The following ABHD17B variants were observed in gnomAD, a reference collection of about 807,000 sequenced individuals.
ABHD17B encodes the protein alpha/beta hydrolase domain-containing protein 17B.
In ABHD17B, 9 loss-of-function variants were observed where a neutral mutation model predicts 26.2. That is an observed-to-expected ratio of 0.34 (90% CI 0.21 to 0.60). ABHD17B has a LOEUF of 0.60. ABHD17B is among the 20% of genes least tolerant of loss of function. ABHD17B has a pLI of 0.80. For missense variants in ABHD17B, 224 were observed against 352.1 expected (o/e 0.64, Z 2.91); for synonymous variants, 127 against 122.3 (o/e 1.04, Z -0.25).
chr9:71,880,097 C>T lies in ABHD17B; in HGVS notation c.-3-5014G>A, dbSNP rs75362280. Reference sequence around the variant, plus strand: ...GTCAATAAATAACCTAGACAAAACTCACGCACTTCTTGAGTAATATAAAAG... The same window carrying T: ...GTCAATAAATAACCTAGACAAAACTTACGCACTTCTTGAGTAATATAAAAG... On this transcript the variant is annotated intron_variant, in intron 1 of 3. Transcript: ENST00000333421. 2.0e-5 allele frequency among the ~76,000 whole-genome samples: 3 copies of T among 152,246 alleles called. No homozygotes were observed. The East Asian group carries it at 5.8e-4, about 29-fold the overall frequency.
chr9:71,910,412 G>T (rs1230963776), intron 1 of ABHD17B, among the ~76,000 whole-genome samples: 1 of 151,746 alleles, frequency 6.6e-6, no homozygotes, highest in Non-Finnish European at 1.5e-5. Context: ...TCCCCTTCAC[G>T]CAACCATCAG....
intron 1 of ABHD17B, among the ~76,000 whole-genome samples, chr9:71,897,590 C>T (rs568419219): frequency 2.6e-5 from 4 of 152,302 alleles, no homozygotes; most frequent in East Asian, 1.9e-4. Flanking sequence ...TTATATTCCT[C>T]GTTTAACTAT....
At chr9:71,873,443 G>T (rs959744259) in intron 2 of ABHD17B, among the ~76,000 whole-genome samples, 12 of 151,982 alleles carry the variant, frequency 7.9e-5, no homozygotes, top group African/African-American at 2.7e-4. Context: ...TGTCACTTGG[G>T]CTTGAGTGCA....
chr9:71,891,291 A>G (rs927805910), intron 1 of ABHD17B, among the ~76,000 whole-genome samples: 1 of 152,152 alleles, frequency 6.6e-6, no homozygotes, highest in African/African-American at 2.4e-5. Flanking sequence ...TCATAAGCCT[A>G]TTATCTAAAT....
downstream of ABHD17B, among the ~76,000 whole-genome samples, chr9:71,863,977 A>G (rs949637417): frequency 3.9e-5 from 6 of 152,164 alleles, no homozygotes; most frequent in Non-Finnish European, 5.9e-5. Context: ...CACTTTGTGT[A>G]TCATTTTCCC....
chr9:71,871,481 G>T (rs1477758108), intron 2 of ABHD17B, among the ~76,000 whole-genome samples: 1 of 152,208 alleles, frequency 6.6e-6, no homozygotes, highest in Non-Finnish European at 1.5e-5. Flanking sequence ...TCATACGAAT[G>T]AAGAAATTAG....
At chr9:71,902,002 G>A (rs7870405) in intron 1 of ABHD17B, among the ~76,000 whole-genome samples, 123,085 of 152,086 alleles carry the variant, frequency 0.81, 50,684 homozygotes, top group East Asian at 0.93. Context: ...AGCACTGTCC[G>A]ATTCATTTAT....
At chr9:71,878,946 A>G (rs986582620) in intron 1 of ABHD17B, among the ~76,000 whole-genome samples, 1 of 152,194 alleles carries the variant, frequency 6.6e-6, no homozygotes. Context: ...GCTTGAGCCC[A>G]GGAATTGAAA....
chr9:71,910,461 T>C (rs529804013), intron 1 of ABHD17B, among the ~76,000 whole-genome samples, 173 bp downstream of exon 1: 1 of 152,060 alleles, frequency 6.6e-6, no homozygotes, highest in South Asian at 2.1e-4. Context: ...GAGGAGTGGC[T>C]TCCCCGCCTT....
At chr9:71,873,396 C>A (rs1052396529) in intron 2 of ABHD17B, among the ~76,000 whole-genome samples, 1 of 151,968 alleles carries the variant, frequency 6.6e-6, no homozygotes, top group African/African-American at 2.4e-5. Flanking sequence ...TTTATCATAA[C>A]ATTAAAACTT....
At position 71,866,181 on chromosome 9, in the gene ABHD17B, T is replaced by A. The variant is rs1368088865; in HGVS notation, c.*606A>T. ...CTCATTGGTAAATTAATAGATGGCATAAAAATTAAGATTTACATCTTTTTT... is the reference window on the plus strand; with the variant it reads ...CTCATTGGTAAATTAATAGATGGCAAAAAAATTAAGATTTACATCTTTTTT... On this transcript the variant is annotated 3_prime_UTR_variant, in exon 4 of 4. Transcript: ENST00000333421. 1.0e-6 allele frequency: 1 copy of A among 983,094 alleles called. No homozygotes were observed. The highest frequency in any genetic ancestry group is 1.2e-6 in the Non-Finnish European group (1 of 827,518). 60.9% of individuals were successfully genotyped at this position (983,094 alleles called of 1,614,324 possible). A position where few individuals can be genotyped will look rare whatever the true frequency, so the allele number is the denominator to read the frequency against.
downstream of ABHD17B, among the ~76,000 whole-genome samples, chr9:71,864,571 C>T (rs1825904950): frequency 1.3e-5 from 2 of 152,026 alleles, no homozygotes; most frequent in South Asian, 4.2e-4. Context: ...ATATATTATT[C>T]ATTCCCCTCA....
chr9:71,867,256 G>A (rs1554697394), intron 3 of ABHD17B, among the ~76,000 whole-genome samples: 1 of 152,100 alleles, frequency 6.6e-6, no homozygotes, highest in Non-Finnish European at 1.5e-5. Context: ...CAATGCTCTT[G>A]TCACTCTACT....
chr9:71,898,764 G>A (rs930335560), intron 1 of ABHD17B, among the ~76,000 whole-genome samples: 11 of 152,292 alleles, frequency 7.2e-5, no homozygotes, highest in African/African-American at 1.7e-4. Context: ...TTGGGAGGCC[G>A]AGGTAGGTGG....
rs562420550 is a variant in ABHD17B, at chr9:71,866,160, T to C, written c.*627A>G. ...GACTTCTCATTTACAAGGTAACTCA[T>C]TGGTAAATTAATAGATGGCATAAAA... On this transcript the variant is annotated 3_prime_UTR_variant, in exon 4 of 4. Transcript: ENST00000333421. 8.2e-5 allele frequency: 81 copies of C among 984,372 alleles called. No individual in the cohort carries two copies. In the African/African-American group the frequency reaches 1.0e-3, roughly 13 times the overall value. 61.0% of individuals were successfully genotyped at this position (984,372 alleles called of 1,614,324 possible).
At chr9:71,895,754 C>G (rs1462237914) in intron 1 of ABHD17B, among the ~76,000 whole-genome samples, 2 of 152,050 alleles carry the variant, frequency 1.3e-5, no homozygotes, top group East Asian at 3.9e-4. Flanking sequence ...TTGGACAAAC[C>G]CTTATTTGGA....
intron 1 of ABHD17B, among the ~76,000 whole-genome samples, chr9:71,898,031 A>G (rs908562973): frequency 5.3e-5 from 8 of 152,182 alleles, no homozygotes; most frequent in Non-Finnish European, 8.8e-5. Flanking sequence ...TGGAATAAAG[A>G]TTTCAAAGAA....
intron 1 of ABHD17B, among the ~76,000 whole-genome samples, chr9:71,899,119 C>T (rs1827056483): frequency 6.8e-6 from 1 of 146,660 alleles, no homozygotes; most frequent in African/African-American, 2.5e-5. Flanking sequence ...GCAAGACTCT[C>T]AGGGAAAAAA....
intron 1 of ABHD17B, among the ~76,000 whole-genome samples, chr9:71,900,037 C>T (rs901818198): frequency 1.3e-5 from 2 of 152,006 alleles, no homozygotes; most frequent in Non-Finnish European, 2.9e-5. Context: ...AAGTCTAAAC[C>T]CCAAAAAAGA....
Sources: gnomAD v4.1 joint callset for allele counts (sites outside exome capture counted in the v4.1 genomes callset) on GRCh38, gnomAD v4.1.1 for gene constraint, MANE v1.5 for transcripts, NCBI Gene and HGNC (gene_info 2026-07-23, HGNC 2026-07-21) for gene names.